Variants in SEMA3D observed in about 807,000 individuals in gnomAD.
SEMA3D encodes the protein semaphorin-3D.
Under a neutral mutation model 100.1 loss-of-function variants are expected in SEMA3D, and 84 were observed. That is an observed-to-expected ratio of 0.84 (90% CI 0.70 to 1.01). The LOEUF is 1.01. SEMA3D is among the 50% of genes least tolerant of loss of function. SEMA3D has a pLI of 0.00. For missense variants in SEMA3D, 875 were observed against 934.1 expected (o/e 0.94, Z 0.82); for synonymous variants, 312 against 320.7 (o/e 0.97, Z 0.29).
intron 14 of SEMA3D, among the ~76,000 whole-genome samples, 163 bp downstream of exon 14, chr7:85,020,070 C>T (rs1790212726): frequency 6.6e-6 from 1 of 151,528 alleles, no homozygotes; most frequent in South Asian, 2.1e-4. Flanking sequence ...CATTCCTAGT[C>T]GCTTATAAAA....
At chr7:85,144,710 T>G in intron 2 of SEMA3D, 2 of 983,654 alleles carry the variant, frequency 2.0e-6, no homozygotes, top group Non-Finnish European at 2.4e-6. Flanking sequence ...TCTTATTTGT[T>G]CTCTTCCCCT....
chr7:85,123,510 A>T (rs569651337), intron 2 of SEMA3D, among the ~76,000 whole-genome samples: 60 of 152,260 alleles, frequency 3.9e-4, no homozygotes, highest in African/African-American at 1.3e-3. Context: ...AATGTCTCCC[A>T]GACTTTGAAT....
chr7:85,008,116 G>T (rs1789849842), intron 17 of SEMA3D, among the ~76,000 whole-genome samples: 1 of 151,710 alleles, frequency 6.6e-6, no homozygotes, highest in African/African-American at 2.4e-5. Flanking sequence ...TGCACAGAAA[G>T]ATCACTGGTG....
intron 8 of SEMA3D, among the ~76,000 whole-genome samples, chr7:85,056,890 C>CATATAT (rs10525654): frequency 0.074 from 10,209 of 138,340 alleles, 503 homozygotes; most frequent in East Asian, 0.19. Context: ...ACATATACAG[C>CATATAT]ATATATATAT....
chr7:85,218,698 T>G, the SEMA3D span, among the ~76,000 whole-genome samples: 12 of 152,134 alleles, frequency 7.9e-5, no homozygotes, highest in African/African-American at 2.9e-4. Context: ...TACATACAAA[T>G]TGTAATATTG....
At chr7:85,141,023 A>C in intron 2 of SEMA3D, 2 of 700,320 alleles carry the variant, frequency 2.9e-6, no homozygotes, top group Non-Finnish European at 1.8e-6. Flanking sequence ...ATAAACTACT[A>C]ATGAGTTAAT....
the SEMA3D span, among the ~76,000 whole-genome samples, chr7:85,214,356 G>T: frequency 6.6e-6 from 1 of 152,078 alleles, no homozygotes; most frequent in East Asian, 1.9e-4. Context: ...ATTACTAATT[G>T]TACCTAGAGT....
At chr7:85,238,721 C>A in the SEMA3D span, among the ~76,000 whole-genome samples, 1 of 152,120 alleles carries the variant, frequency 6.6e-6, no homozygotes, top group African/African-American at 2.4e-5. Context: ...TTGTCAATAT[C>A]CACAAACTAA....
At chr7:85,247,375 G>C in the SEMA3D span, among the ~76,000 whole-genome samples, 1 of 152,074 alleles carries the variant, frequency 6.6e-6, no homozygotes, top group African/African-American at 2.4e-5. Context: ...AAAACTTTAA[G>C]TGCTGTAGAA....
chr7:85,167,679 AATT>A (rs1293885267), intron 1 of SEMA3D, among the ~76,000 whole-genome samples: 3 of 151,882 alleles, frequency 2.0e-5, no homozygotes, highest in Non-Finnish European at 4.4e-5. Context: ...AAACTTGGGG[AATT>A]ATTATTCCAG....
At chr7:85,217,515 G>T in the SEMA3D span, among the ~76,000 whole-genome samples, 54 of 152,036 alleles carry the variant, frequency 3.6e-4, no homozygotes, top group Non-Finnish European at 6.5e-4. Flanking sequence ...GGACAATGAA[G>T]AAGGATAAGT....
the SEMA3D span, among the ~76,000 whole-genome samples, chr7:85,242,632 G>A: frequency 1.3e-5 from 2 of 152,092 alleles, no homozygotes; most frequent in African/African-American, 2.4e-5. Flanking sequence ...ATACAGGGGT[G>A]TCATTGTCTC....
chr7:85,139,376 T>C (rs1268047002), intron 2 of SEMA3D, among the ~76,000 whole-genome samples: 1 of 152,120 alleles, frequency 6.6e-6, no homozygotes, highest in Non-Finnish European at 1.5e-5. Flanking sequence ...TTATGCAATG[T>C]AGCAAAAATA....
Position 84,999,554 on chromosome 7 carries a change from C to T in SEMA3D, c.2220G>A (p.Arg740=), listed in dbSNP as rs866561792. Reference sequence around the variant, plus strand: ...TTGGGCCCCCCTTGTTTCTCTGTCTCCGCTTCTCCCTGTGCCACATCTGTT... The same window carrying T: ...TTGGGCCCCCCTTGTTTCTCTGTCTTCGCTTCTCCCTGTGCCACATCTGTT... The part of the protein sequence containing the change: ...YCEQMWHREK[R]RQRNKGGPKW... Residue 740 remains arginine, a synonymous_variant, in exon 19 of 19, where the codon CGG becomes CGA. Transcript: ENST00000284136. The T allele has an allele frequency of 3.1e-6, 5 of 1,614,132 alleles. No individual in the cohort carries two copies. The highest frequency in any genetic ancestry group is 1.6e-4 in the Middle Eastern group (1 of 6,062).
At chr7:85,116,878 G>T (rs971498072) in intron 3 of SEMA3D, among the ~76,000 whole-genome samples, 3 of 151,980 alleles carry the variant, frequency 2.0e-5, no homozygotes, top group Non-Finnish European at 4.4e-5. Context: ...ATTTGCATAG[G>T]TGTCTTTTAT....
At chr7:85,014,068 A>T (rs879566851) in intron 16 of SEMA3D, among the ~76,000 whole-genome samples, 30 of 151,796 alleles carry the variant, frequency 2.0e-4, no homozygotes, top group Non-Finnish European at 4.1e-4. Context: ...GGAATATAAA[A>T]TGTTTTCTAA....
intron 11 of SEMA3D, among the ~76,000 whole-genome samples, chr7:85,038,005 A>G (rs1379826117): frequency 1.5e-5 from 2 of 135,056 alleles, no homozygotes; most frequent in African/African-American, 5.4e-5. Context: ...ATGAGAACAC[A>G]TAGACACAGG....
the SEMA3D span, among the ~76,000 whole-genome samples, chr7:85,205,466 T>C: frequency 6.6e-6 from 1 of 152,148 alleles, no homozygotes; most frequent in African/African-American, 2.4e-5. Context: ...TGTCCTTTAA[T>C]TTTTTTCTGT....
At chr7:85,117,456 A>G (rs1305801535) in intron 3 of SEMA3D, among the ~76,000 whole-genome samples, 2 of 152,198 alleles carry the variant, frequency 1.3e-5, no homozygotes, top group Admixed American at 6.5e-5. Context: ...GGGCACTGCC[A>G]TAACAAAACC....
Sources: gnomAD v4.1 joint callset for allele counts (sites outside exome capture counted in the v4.1 genomes callset) on GRCh38, gnomAD v4.1.1 for gene constraint, MANE v1.5 for transcripts, NCBI Gene and HGNC (gene_info 2026-07-23, HGNC 2026-07-21) for gene names.